SGCZ: variants seen among roughly 807,000 people sequenced by gnomAD.
SGCZ encodes sarcoglycan zeta.
SGCZ carries 40 observed loss-of-function variants against 41.3 expected under a neutral mutation model. The ratio of observed to expected loss-of-function variants is 0.97; its 90% confidence interval spans 0.75 to 1.26. The LOEUF (loss-of-function observed/expected upper bound fraction) is 1.26. Ranked by LOEUF, SGCZ falls within the 50% of genes most tolerant of loss-of-function variation. SGCZ has a pLI of 0.00. For synonymous variants in SGCZ, 206 were observed against 137.5 expected, an observed-to-expected ratio of 1.50 and a Z score of -3.49; for missense variants, 552 against 369.8, an observed-to-expected ratio of 1.49 and a Z score of -4.04.
Position 14,158,675 on chromosome 8 carries a change from G to T in SGCZ, c.547+5905C>A, listed in dbSNP as rs568315021. Among the ~76,000 whole-genome samples, 22 of 152,306 alleles carry T rather than the reference G, an allele frequency of 1.4e-4. 2 individuals carry two copies. The East Asian group carries it at 1.9e-3, about 13-fold the overall frequency. ...CATGAGAAGTCCGCATGAGCAGCCAGCAGTGCAAATACCAGGCCCTGAATG... is the reference window on the plus strand; with the variant it reads ...CATGAGAAGTCCGCATGAGCAGCCATCAGTGCAAATACCAGGCCCTGAATG... On this transcript the variant is annotated intron_variant, in intron 5 of 7. Transcript: ENST00000382080.
chr8:14,490,274 A>T (rs1801805250), intron 2 of SGCZ, among the ~76,000 whole-genome samples: 1 of 152,154 alleles, frequency 6.6e-6, no homozygotes. Flanking sequence ...TTGATTACTA[A>T]ACTTTCTCCT....
At chr8:15,106,442 T>C (rs955584932) in intron 1 of SGCZ, among the ~76,000 whole-genome samples, 5 of 152,096 alleles carry the variant, frequency 3.3e-5, no homozygotes, top group Non-Finnish European at 7.4e-5. Flanking sequence ...TTTAAATTTT[T>C]CTCTTATAAG....
chr8:15,149,429 G>T (rs1293254456), intron 1 of SGCZ, among the ~76,000 whole-genome samples: 1 of 152,072 alleles, frequency 6.6e-6, no homozygotes, highest in East Asian at 1.9e-4. Flanking sequence ...CCTAGTACCA[G>T]TTCAGCAGTG....
At chr8:14,515,622 C>T (rs989856711) in intron 2 of SGCZ, among the ~76,000 whole-genome samples, 15 of 152,062 alleles carry the variant, frequency 9.9e-5, no homozygotes, top group Admixed American at 1.3e-4. Flanking sequence ...CAATAAACAT[C>T]ATAAGTGTTA....
intron 2 of SGCZ, among the ~76,000 whole-genome samples, chr8:14,428,117 C>CGT: frequency 8.6e-6 from 1 of 116,786 alleles, no homozygotes; most frequent in East Asian, 2.5e-4. Flanking sequence ...CACACACACA[C>CGT]ACACACACAC....
At chr8:14,961,870 C>A (rs542224054) in intron 1 of SGCZ, among the ~76,000 whole-genome samples, 2 of 152,236 alleles carry the variant, frequency 1.3e-5, no homozygotes, top group African/African-American at 4.8e-5. Flanking sequence ...GCAATAGGGC[C>A]GCAAACTACT....
At chr8:15,171,060 A>G (rs898953346) in intron 1 of SGCZ, among the ~76,000 whole-genome samples, 8 of 152,242 alleles carry the variant, frequency 5.3e-5, no homozygotes, top group Non-Finnish European at 1.0e-4. Context: ...ATGAAGAACA[A>G]TAATTTAAAA....
At chr8:14,608,391 A>C (rs1006692633) in intron 1 of SGCZ, among the ~76,000 whole-genome samples, 2 of 152,046 alleles carry the variant, frequency 1.3e-5, no homozygotes, top group Admixed American at 1.3e-4. Context: ...TGGTACCAGC[A>C]TATGCTCAGC....
At chr8:14,131,127 C>T (rs1161570280) in intron 5 of SGCZ, among the ~76,000 whole-genome samples, 1 of 152,182 alleles carries the variant, frequency 6.6e-6, no homozygotes, top group African/African-American at 2.4e-5. Context: ...AAACTCACTC[C>T]TTGTGTGTCC....
rs565593652 is a variant in SGCZ at position 14,140,977 on chromosome 8, T to C, written c.547+23603A>G. 3.5e-3 allele frequency among the ~76,000 whole-genome samples: 537 copies of C among 152,254 alleles called. 2 individuals carry two copies. The highest frequency in any genetic ancestry group is 6.5e-3 in the Non-Finnish European group (441 of 68,018). On this transcript the variant is annotated intron_variant, in intron 5 of 7. Transcript: ENST00000382080. ...TGTTACTGGTACCAAAACTGATCTA[T>C]AGACCAATGGAACAGGACAGAGCCC...
intron 1 of SGCZ, among the ~76,000 whole-genome samples, chr8:14,978,583 T>C (rs1163950623): frequency 1.3e-5 from 2 of 151,170 alleles, no homozygotes; most frequent in African/African-American, 2.4e-5. Context: ...GTAAACCAGA[T>C]TTTATCACCA....
At chr8:14,953,395 G>A (rs28631042) in intron 1 of SGCZ, among the ~76,000 whole-genome samples, 30,213 of 151,934 alleles carry the variant, frequency 0.2, 3,631 homozygotes, top group African/African-American at 0.32. Flanking sequence ...TGATTCAATC[G>A]CCGTCCACTA....
chr8:14,746,376 A>G (rs1356471824), intron 1 of SGCZ, among the ~76,000 whole-genome samples: 4 of 142,362 alleles, frequency 2.8e-5, no homozygotes, highest in Non-Finnish European at 4.4e-5. Flanking sequence ...GAATATGCTC[A>G]ACTAATAATA....
At chr8:15,152,131 C>A (rs970632703) in intron 1 of SGCZ, among the ~76,000 whole-genome samples, 1 of 152,010 alleles carries the variant, frequency 6.6e-6, no homozygotes, top group African/African-American at 2.4e-5. Context: ...ACTGAGATGT[C>A]CTGAGATAGC....
chr8:14,963,421 C>T (rs1801030408), intron 1 of SGCZ, among the ~76,000 whole-genome samples: 1 of 151,854 alleles, frequency 6.6e-6, no homozygotes, highest in African/African-American at 2.4e-5. Context: ...TCACTGCATC[C>T]TGCGCCTCCC....
intron 4 of SGCZ, among the ~76,000 whole-genome samples, chr8:14,198,821 C>G (rs568470178): frequency 1.6e-4 from 24 of 152,170 alleles, no homozygotes; most frequent in Non-Finnish European, 3.4e-4. Flanking sequence ...TTACTGCAAT[C>G]TCTGAACATA....
intron 1 of SGCZ, among the ~76,000 whole-genome samples, chr8:15,146,993 T>C (rs547283537): frequency 1.5e-4 from 23 of 152,310 alleles, no homozygotes; most frequent in African/African-American, 5.1e-4. Flanking sequence ...TAATTTACTA[T>C]TGAAGGGCTG....
intron 1 of SGCZ, among the ~76,000 whole-genome samples, chr8:14,819,627 C>G (rs1424921771): frequency 6.6e-6 from 1 of 152,028 alleles, no homozygotes; most frequent in African/African-American, 2.4e-5. Flanking sequence ...TTCAATACTC[C>G]AGTATGAAGG....
chr8:14,635,563 G>T (rs914064950), intron 1 of SGCZ, among the ~76,000 whole-genome samples: 1 of 151,968 alleles, frequency 6.6e-6, no homozygotes, highest in East Asian at 1.9e-4. Flanking sequence ...GAAATAATTC[G>T]TAAGTTTTAA....
Sources: allele counts gnomAD v4.1 joint callset (sites outside exome capture counted in the v4.1 genomes callset), GRCh38; gene constraint gnomAD v4.1.1; transcripts MANE v1.5; gene names NCBI Gene and HGNC (gene_info 2026-07-23, HGNC 2026-07-21).